The following REELD1 variants were observed in gnomAD, a reference collection of about 807,000 sequenced individuals.
REELD1 encodes reelin domain-containing protein 1.
In REELD1, 12 loss-of-function variants were observed where a neutral mutation model predicts 6.3. That is an observed-to-expected ratio of 1.89 (90% CI 1.21 to 3.07). The LOEUF (loss-of-function observed/expected upper bound fraction) is 3.07. Ranked by LOEUF, REELD1 falls within the 30% of genes most tolerant of loss-of-function variation. REELD1 has a pLI of 0.00. For missense variants in REELD1, 163 were observed against 86.8 expected (o/e 1.88, Z -3.49); for synonymous variants, 57 against 33.6 (o/e 1.70, Z -2.42).
At chr4:146,228,977 G>C (rs1412044393) in intron 6 of REELD1, 48 bp from the exon 7 acceptor site, 2 of 700,730 alleles carry the variant, frequency 2.9e-6, no homozygotes, top group Non-Finnish European at 5.2e-6. Context: ...TTGCTTTTTG[G>C]TCCAAAACTT....
chr4:146,228,870 C>G (rs1460216402), intron 6 of REELD1, among the ~76,000 whole-genome samples, 155 bp from the exon 7 acceptor site: 1 of 152,164 alleles, frequency 6.6e-6, no homozygotes, highest in East Asian at 1.9e-4. Flanking sequence ...TCTCACTCAT[C>G]TCTCCCCTTC....
chr4:146,222,416 G>A lies in REELD1; in HGVS notation c.268G>A (p.Asp90Asn), dbSNP rs1012957130. The A allele has an allele frequency of 7.0e-5, 28 of 398,564 alleles. No homozygotes were observed. In the East Asian group the frequency reaches 7.1e-4, roughly 10 times the overall value. The allele number at this position is 398,564 out of a possible 1,614,324, so 24.7% of individuals were successfully genotyped here. The change falls in exon 4 of 8, where the codon GAT (aspartate) becomes AAT (asparagine). Residue 90 changes from aspartate (D) to asparagine (N), a missense_variant. Asp to Asn is a conservative substitution (Grantham distance 23). Coordinates refer to ENST00000623665, the MANE Select transcript of REELD1 (RefSeq NM_001354631.1). ...GFLLQARRVS[D>N]HQIAGTFVLI... ...TCTCCTTCAGGCTCGAAGAGTGTCCGATCATCAAATCGCTGGCACTTTCGT... is the reference window on the plus strand; with the variant it reads ...TCTCCTTCAGGCTCGAAGAGTGTCCAATCATCAAATCGCTGGCACTTTCGT...
chr4:146,225,567 A>G (rs1731006685), intron 5 of REELD1, among the ~76,000 whole-genome samples: 1 of 151,506 alleles, frequency 6.6e-6, no homozygotes, highest in African/African-American at 2.4e-5. Context: ...CCACCAAGAC[A>G]CTCCTAAAAG....
rs146996851 is a variant in REELD1, at chr4:146,229,623, A to T, written c.973-282A>T. On this transcript the variant is annotated intron_variant, in intron 7 of 7. Coordinates refer to ENST00000623665, the MANE Select transcript of REELD1 (RefSeq NM_001354631.1). Reference sequence around the variant, plus strand: ...TAGAAGATGATGCAATCACCCATTGATATTTTGGTTTGGAAGCCACTTAAA... The same window carrying T: ...TAGAAGATGATGCAATCACCCATTGTTATTTTGGTTTGGAAGCCACTTAAA... Among the ~76,000 whole-genome samples, 785 of 152,214 alleles carry T rather than the reference A, an allele frequency of 5.2e-3. 3 individuals are homozygous for T. The highest frequency in any genetic ancestry group is 0.018 in the African/African-American group (741 of 41,528).
intron 3 of REELD1, among the ~76,000 whole-genome samples, chr4:146,220,052 C>T (rs912464835): frequency 3.9e-5 from 6 of 152,216 alleles, no homozygotes; most frequent in Non-Finnish European, 7.3e-5. Flanking sequence ...ATGCCATTCT[C>T]CTGCCTCAGC....
At chr4:146,215,436 A>C (rs1230638817) in intron 2 of REELD1, among the ~76,000 whole-genome samples, 1 of 152,182 alleles carries the variant, frequency 6.6e-6, no homozygotes, top group Non-Finnish European at 1.5e-5. Context: ...AAGGACTCTT[A>C]TGTCTAAGAA....
At chr4:146,228,867 C>T (rs750315502) in intron 6 of REELD1, among the ~76,000 whole-genome samples, 158 bp from the exon 7 acceptor site, 3 of 152,184 alleles carry the variant, frequency 2.0e-5, no homozygotes, top group Admixed American at 6.5e-5. Context: ...CATTCTCACT[C>T]ATCTCTCCCC....
intron 3 of REELD1, among the ~76,000 whole-genome samples, chr4:146,218,274 C>T (rs1560723375): frequency 1.3e-5 from 2 of 152,212 alleles, no homozygotes; most frequent in Non-Finnish European, 2.9e-5. Flanking sequence ...CTCCATGCCC[C>T]GCCCCCACTC....
rs1731104738 is a variant in REELD1 at position 146,230,246 on chromosome 4, G to C, written c.1314G>C (p.Gln438His). ...GAGCCCAGGCCCCTCTGGGTATCCA[G>C]CTCAGAACTCCTCAGCTGGGAATTC... Reference protein sequence around the residue: ...LEGAQAPLGIQLRTPQLGILL... With the variant: ...LEGAQAPLGIHLRTPQLGILL... The change falls in exon 8 of 8, where the codon CAG (glutamine) becomes CAC (histidine). Residue 438 changes from glutamine (Q) to histidine (H), a missense_variant. Gln to His is a conservative substitution (Grantham distance 24). Coordinates refer to ENST00000623665, the MANE Select transcript of REELD1 (RefSeq NM_001354631.1). 2.5e-6 allele frequency: 1 copy of C among 398,750 alleles called. No homozygotes were observed. Among genetic ancestry groups the C allele is most frequent in the Non-Finnish European group, 4.4e-6 (1 of 226,234 alleles). The allele number at this position is 398,750 out of a possible 1,614,324, so 24.7% of individuals were successfully genotyped here.
intron 3 of REELD1, 21 bp from the exon 4 acceptor site, chr4:146,222,336 G>A (rs983808395): frequency 7.5e-6 from 3 of 398,434 alleles, no homozygotes; most frequent in Non-Finnish European, 8.8e-6. Context: ...TGTTCATGTT[G>A]AACGGGTGTT....
chr4:146,226,874 G>A (rs1355410578), intron 5 of REELD1, among the ~76,000 whole-genome samples: 1 of 152,106 alleles, frequency 6.6e-6, no homozygotes, highest in Non-Finnish European at 1.5e-5. Context: ...GGGTTCAAAC[G>A]ATTCTCCTGC....
chr4:146,218,165 C>T (rs1730858613), intron 3 of REELD1, among the ~76,000 whole-genome samples: 1 of 152,210 alleles, frequency 6.6e-6, no homozygotes, highest in Admixed American at 6.5e-5. Flanking sequence ...TGGGGACCCT[C>T]TGAGAAGCCA....
intron 2 of REELD1, among the ~76,000 whole-genome samples, chr4:146,216,439 G>A (rs1394145542): frequency 1.3e-5 from 2 of 152,316 alleles, no homozygotes; most frequent in Middle Eastern, 3.4e-3. Flanking sequence ...TTGATAGTTG[G>A]TAGATGTTTT....
intron 2 of REELD1, among the ~76,000 whole-genome samples, chr4:146,215,995 C>T (rs1730819795): frequency 6.6e-6 from 1 of 152,212 alleles, no homozygotes; most frequent in Non-Finnish European, 1.5e-5. Flanking sequence ...ACGCAATCCA[C>T]CTGCCTCGGC....
intron 3 of REELD1, 99 bp from the exon 4 acceptor site, chr4:146,222,258 G>A (rs1027427574): frequency 5.0e-6 from 2 of 397,512 alleles, no homozygotes; most frequent in Non-Finnish European, 8.9e-6. Flanking sequence ...CACTTTCTGG[G>A]GGCTGATCTT....
Position 146,218,846 on chromosome 4 carries a change from T to C in REELD1, c.208+1686T>C, listed in dbSNP as rs528929232. On this transcript the variant is annotated intron_variant, in intron 3 of 7. Coordinates refer to ENST00000623665, the MANE Select transcript of REELD1 (RefSeq NM_001354631.1). ...TCTGTGGCTAGGGGAATAACAACGG[T>C]AAGAATCAAAACACTATGTCAGCCA... 7.2e-5 allele frequency among the ~76,000 whole-genome samples: 11 copies of C among 152,138 alleles called. No individual in the cohort carries two copies. In the East Asian group the frequency reaches 2.1e-3, roughly 30 times the overall value.
At chr4:146,222,826 C>A (rs1252535241) in intron 4 of REELD1, among the ~76,000 whole-genome samples, 1 of 152,170 alleles carries the variant, frequency 6.6e-6, no homozygotes, top group Non-Finnish European at 1.5e-5. Flanking sequence ...CCCTGCCTCC[C>A]CAGGCACAGG....
chr4:146,230,130 C>A lies in REELD1; in HGVS notation c.1198C>A (p.His400Asn), dbSNP rs1020472149. Reference sequence around the variant, plus strand: ...TGCCAGCTTCTTACCTCAGTCAAAGCACAAGGAGCTCAGAGCAGGGAAGGG... The same window carrying A: ...TGCCAGCTTCTTACCTCAGTCAAAGAACAAGGAGCTCAGAGCAGGGAAGGG... ...ASASFLPQSK[H>N]KELRAGKGNG... Residue 400 changes from histidine (H) to asparagine (N), a missense_variant, in exon 8 of 8, where the codon CAC (histidine) becomes AAC (asparagine). Transcript: ENST00000623665. The A allele has an allele frequency of 2.8e-5, 11 of 398,760 alleles. No individual in the cohort carries two copies. Among genetic ancestry groups the A allele is most frequent in the East Asian group, 1.4e-4 (4 of 28,078 alleles). The allele number at this position is 398,760 out of a possible 1,614,324, so 24.7% of individuals were successfully genotyped here.
At chr4:146,225,009 C>T (rs76114364) in intron 5 of REELD1, among the ~76,000 whole-genome samples, 1 of 152,304 alleles carries the variant, frequency 6.6e-6, no homozygotes, top group East Asian at 1.9e-4. Context: ...AGCTTTTCTT[C>T]GTCTTTTCTC....
Sources: gnomAD v4.1 joint callset for allele counts (sites outside exome capture counted in the v4.1 genomes callset) on GRCh38, gnomAD v4.1.1 for gene constraint, MANE v1.5 for transcripts, NCBI Gene and HGNC (gene_info 2026-07-23, HGNC 2026-07-21) for gene names.